EAF2: variants seen among roughly 807,000 people sequenced by gnomAD.
EAF2 encodes ELL associated factor 2.
Under a neutral mutation model 29.4 loss-of-function variants are expected in EAF2, and 29 were observed. The ratio of observed to expected loss-of-function variants is 0.99; its 90% CI spans 0.73 to 1.35. The LOEUF (loss-of-function observed/expected upper bound fraction) is 1.35, where lower values mean the gene tolerates loss of function less well. Among genes scored for constraint, EAF2 ranks in the 40% most tolerant of loss-of-function variants. EAF2 has a pLI of 0.00. For missense variants in EAF2, 292 were observed against 312.0 expected (o/e 0.94, Z 0.48); for synonymous variants, 103 against 102.5 (o/e 1.00, Z -0.03).
At chr3:121,841,793 AG>A (rs1708438047) in intron 1 of EAF2, among the ~76,000 whole-genome samples, 1 of 151,816 alleles carries the variant, frequency 6.6e-6, no homozygotes, top group South Asian at 2.1e-4. Flanking sequence ...GCGGATCACG[AG>A]GTCAGGAGTT....
chr3:121,877,123 A>G (rs1225703114), intron 5 of EAF2, among the ~76,000 whole-genome samples: 2 of 152,066 alleles, frequency 1.3e-5, no homozygotes, highest in Non-Finnish European at 2.9e-5. Context: ...GGGACTTGGT[A>G]AATTATGAGA....
rs575487460 is a variant in EAF2 at position 121,848,363 on chromosome 3, T to G, written c.201+3816T>G. ...GCACTATAGGAGTACATTAAGTAAT[T>G]CAATGGAAATATACTTTGCTAATAT... is the stretch of plus-strand genomic sequence containing the variant. On this transcript the variant is annotated intron_variant, in intron 2 of 5. Coordinates refer to ENST00000273668, the MANE Select transcript of EAF2 (RefSeq NM_018456.6). 3.3e-5 allele frequency among the ~76,000 whole-genome samples: 5 copies of G among 152,286 alleles called. No individual in the cohort carries two copies. The South Asian group carries it at 1.0e-3, about 32-fold the overall frequency.
intron 1 of EAF2, chr3:121,837,304 G>A (rs1433687100): frequency 6.6e-6 from 1 of 152,094 alleles, no homozygotes; most frequent in African/African-American, 2.4e-5. Flanking sequence ...TCAGAGTGAG[G>A]TTTGAAAATT....
At chr3:121,885,617 C>T (rs538126077) in intron 5 of EAF2, among the ~76,000 whole-genome samples, 1 of 152,210 alleles carries the variant, frequency 6.6e-6, no homozygotes, top group African/African-American at 2.4e-5. Flanking sequence ...CAAATATGCT[C>T]CTGCCTTGGG....
intron 1 of EAF2, chr3:121,837,708 A>G (rs1248584185): frequency 6.6e-6 from 1 of 152,198 alleles, no homozygotes; most frequent in African/African-American, 2.4e-5. Context: ...AGGGGTGCTA[A>G]TGAATGTAAT....
chr3:121,848,558 T>C (rs2107507644), intron 2 of EAF2, among the ~76,000 whole-genome samples: 1 of 150,214 alleles, frequency 6.7e-6, no homozygotes, highest in South Asian at 2.1e-4. Context: ...TTCTATGAAA[T>C]TTTTGTCCCA....
Position 121,844,473 on chromosome 3 carries a change from A to C in EAF2, c.127A>C (p.Ile43Leu). Residue 43 changes from isoleucine to leucine, a missense_variant, in exon 2 of 6, where the codon ATT (isoleucine) becomes CTT (leucine). Ile to Leu is a conservative substitution (Grantham distance 5). Coordinates refer to ENST00000273668, the MANE Select transcript of EAF2 (RefSeq NM_018456.6). ...TVRYDFKPAS[I>L]DTSSEGYLEV... ...TTTAGATGACTTCAAACCTGCTTCT[A>C]TTGACACTTCTTCTGAAGGATACCT... 3 of 1,609,430 alleles carry C rather than the reference A, an allele frequency of 1.9e-6. No homozygotes were observed. The highest frequency in any genetic ancestry group is 2.5e-6 in the Non-Finnish European group (3 of 1,178,188).
chr3:121,864,724 GA>G (rs1708894170), intron 4 of EAF2, among the ~76,000 whole-genome samples: 1 of 152,070 alleles, frequency 6.6e-6, no homozygotes, highest in South Asian at 2.1e-4. Context: ...GCTAAGCTGG[GA>G]GGATTACTTG....
At chr3:121,881,707 C>T (rs1444754646) in intron 5 of EAF2, among the ~76,000 whole-genome samples, 1 of 151,822 alleles carries the variant, frequency 6.6e-6, no homozygotes, top group African/African-American at 2.4e-5. Flanking sequence ...GATGGGGTTT[C>T]ATTGTGTTGC....
chr3:121,878,973 A>G (rs1576657827), intron 5 of EAF2, among the ~76,000 whole-genome samples: 2 of 152,288 alleles, frequency 1.3e-5, no homozygotes, highest in South Asian at 4.1e-4. Flanking sequence ...ACTGTTCTCC[A>G]TAGTGCCTGT....
At chr3:121,857,489 C>CAA (rs1175333816) in intron 4 of EAF2, among the ~76,000 whole-genome samples, 1 of 69,126 alleles carries the variant, frequency 1.4e-5, no homozygotes, top group Admixed American at 1.7e-4. Flanking sequence ...GACTCCATCT[C>CAA]AAAAAAAAAA....
At position 121,872,539 on chromosome 3, in the gene EAF2, C is replaced by G. The variant is rs780308100; in HGVS notation, c.487C>G (p.Leu163Val). 3 of 1,592,292 alleles carry G rather than the reference C, an allele frequency of 1.9e-6. No homozygotes were observed. The South Asian group carries it at 3.4e-5, about 18-fold the overall frequency. The change falls in exon 5 of 6, where the codon CTG becomes GTG. Residue 163 changes from leucine (L) to valine (V), a missense_variant and splice_region_variant. Coordinates refer to ENST00000273668, the MANE Select transcript of EAF2 (RefSeq NM_018456.6). ...ASPIDDIERELKAEASLMDQM... is the reference protein window; with the variant it reads ...ASPIDDIEREVKAEASLMDQM... ...ATTCATTTCTGTCTTATTTTCAGAA[C>G]TGAAGGCAGAAGCTAGTCTAATGGA...
intron 2 of EAF2, among the ~76,000 whole-genome samples, chr3:121,853,036 T>C (rs563484654): frequency 2.6e-5 from 4 of 152,334 alleles, no homozygotes; most frequent in African/African-American, 9.6e-5. Context: ...ATGAATTACA[T>C]GTACCCATCA....
In EAF2 at chr3:121,872,691, C is replaced by T. The variant is rs770777296; in HGVS notation, c.639C>T (p.Val213=). 1 of 1,612,852 alleles carries T rather than the reference C, an allele frequency of 6.2e-7. No homozygotes were observed. Among genetic ancestry groups the T allele is most frequent in the Admixed American group, 1.7e-5 (1 of 59,934 alleles). The change falls in exon 5 of 6, where the codon GTC becomes GTT. Residue 213 remains valine, a synonymous_variant. Coordinates refer to ENST00000273668, the MANE Select transcript of EAF2 (RefSeq NM_018456.6). ...CTACTTCTGATACAGGGAATTGTGT[C>T]TCAGGACATCCTACCATGACACAGT... The part of the protein sequence containing the change: ...KSSTSDTGNC[V]SGHPTMTQYR...
At chr3:121,867,321 C>T (rs772669883) in intron 4 of EAF2, among the ~76,000 whole-genome samples, 2 of 151,934 alleles carry the variant, frequency 1.3e-5, no homozygotes, top group Non-Finnish European at 2.9e-5. Flanking sequence ...TAGGATAAAC[C>T]CAAAGAAATT....
At chr3:121,846,885 G>A (rs1332119436) in intron 2 of EAF2, among the ~76,000 whole-genome samples, 1 of 151,986 alleles carries the variant, frequency 6.6e-6, no homozygotes, top group Non-Finnish European at 1.5e-5. Context: ...CATCTTCCAG[G>A]TGTTTGGTTA....
chr3:121,849,397 C>G (rs889751495), intron 2 of EAF2, among the ~76,000 whole-genome samples: 1 of 152,104 alleles, frequency 6.6e-6, no homozygotes, highest in Non-Finnish European at 1.5e-5. Context: ...TCCTTACAAA[C>G]AGTTCTCCAT....
chr3:121,878,505 A>G (rs956821386), intron 5 of EAF2, among the ~76,000 whole-genome samples: 16 of 152,096 alleles, frequency 1.1e-4, no homozygotes, highest in Admixed American at 5.9e-4. Context: ...GAACTTATTA[A>G]ATTTATTTAA....
chr3:121,844,492 G>T lies in EAF2; in HGVS notation c.146G>T (p.Gly49Val), dbSNP rs1576637915. The change falls in exon 2 of 6, where the codon GGA becomes GTA. Residue 49 changes from glycine to valine, a missense_variant. Coordinates refer to ENST00000273668, the MANE Select transcript of EAF2 (RefSeq NM_018456.6). ...GCTTCTATTGACACTTCTTCTGAAG[G>T]ATACCTTGAGGTTGGTGAAGGTGAA... ...KPASIDTSSE[G>V]YLEVGEGEQV... The T allele has an allele frequency of 1.2e-6, 2 of 1,610,336 alleles. No homozygotes were observed. Among genetic ancestry groups the T allele is most frequent in the Admixed American group, 1.7e-5 (1 of 59,378 alleles).
Sources: gnomAD v4.1 joint callset for allele counts (sites outside exome capture counted in the v4.1 genomes callset) on GRCh38, gnomAD v4.1.1 for gene constraint, MANE v1.5 for transcripts, NCBI Gene and HGNC (gene_info 2026-07-23, HGNC 2026-07-21) for gene names.